ATOH8: variants seen among roughly 807,000 people sequenced by gnomAD.
ATOH8 encodes the protein transcription factor ATOH8.
In ATOH8, 9 loss-of-function variants were observed where a neutral mutation model predicts 21.2. The ratio of observed to expected loss-of-function variants is 0.42; its 90% CI spans 0.26 to 0.74. The LOEUF (loss-of-function observed/expected upper bound fraction) is 0.74. Among genes scored for constraint, ATOH8 ranks in the 30% least tolerant of loss-of-function variants. The pLI is 0.24. For synonymous variants in ATOH8, 253 were observed against 224.0 expected (o/e 1.13, Z -1.16); for missense variants, 524 against 470.9 (o/e 1.11, Z -1.04).
rs1340361560 is a variant in ATOH8, at chr2:85,789,469, G to A, written c.*2579G>A. Among the ~76,000 whole-genome samples, 1 of 152,210 alleles carries A rather than the reference G, an allele frequency of 6.6e-6. No individual in the cohort carries two copies. Among genetic ancestry groups the A allele is most frequent in the African/African-American group, 2.4e-5 (1 of 41,456 alleles). On this transcript the variant is annotated 3_prime_UTR_variant, in exon 3 of 3. Coordinates refer to ENST00000306279, the MANE Select transcript of ATOH8 (RefSeq NM_032827.7). ...AACTCTTGGGGAGGTTCTCAGGAAG[G>A]ATTTCCCTGGAAAGTAGCCATGGGA...
At chr2:85,760,357 G>A (rs905416810) in intron 1 of ATOH8, among the ~76,000 whole-genome samples, 1 of 151,998 alleles carries the variant, frequency 6.6e-6, no homozygotes, top group African/African-American at 2.4e-5. Flanking sequence ...CTCTGTAGGC[G>A]GTGCGGGTGG....
rs775152803 is a variant in ATOH8 at position 85,754,726 on chromosome 2, G to C, written c.537G>C (p.Val179=). Reference sequence around the variant, plus strand: ...CGCCAGCGCCCCCGGAGTCCACTGTGCGCCCTGCGCCCCCGACGCGCCCCG... The same window carrying C: ...CGCCAGCGCCCCCGGAGTCCACTGTCCGCCCTGCGCCCCCGACGCGCCCCG... ...PAPPAPPEST[V]RPAPPTRPGE... Residue 179 remains valine, a synonymous_variant, in exon 1 of 3, where the codon GTG becomes GTC. Transcript: ENST00000306279. 6.2e-7 allele frequency: 1 copy of C among 1,612,286 alleles called. No individual in the cohort carries two copies. The highest frequency in any genetic ancestry group is 8.5e-7 in the Non-Finnish European group (1 of 1,179,632).
At chr2:85,786,581 G>A (rs1329182074) in intron 2 of ATOH8, among the ~76,000 whole-genome samples, 2 of 152,176 alleles carry the variant, frequency 1.3e-5, no homozygotes, top group Non-Finnish European at 2.9e-5. Flanking sequence ...GGATTGTGGT[G>A]TCAGCCCCAG....
intron 2 of ATOH8, among the ~76,000 whole-genome samples, chr2:85,767,559 C>G (rs1279431971): frequency 1.8e-5 from 2 of 109,140 alleles, no homozygotes; most frequent in African/African-American, 6.8e-5. Flanking sequence ...TTGGTATTCC[C>G]TCTTCCCCTC....
chr2:85,778,592 C>G (rs1680399396), intron 2 of ATOH8, among the ~76,000 whole-genome samples: 1 of 152,246 alleles, frequency 6.6e-6, no homozygotes, highest in Non-Finnish European at 1.5e-5. Context: ...GGGCTCCGTC[C>G]TGGGAGTCTC....
chr2:85,764,694 C>T (rs943664786), intron 2 of ATOH8, among the ~76,000 whole-genome samples: 4 of 152,168 alleles, frequency 2.6e-5, no homozygotes, highest in Admixed American at 1.3e-4. Flanking sequence ...CAACCATGTG[C>T]TGAGCATACT....
chr2:85,790,960 T>G lies in ATOH8; in HGVS notation c.*4070T>G, dbSNP rs1337893018. ...GACATCTCCAAGGAAACCCTTTGAG[T>G]GGATCTGTACCGTTGTTCTCGTCTT... is the stretch of plus-strand genomic sequence containing the variant. On this transcript the variant is annotated 3_prime_UTR_variant, in exon 3 of 3. Transcript: ENST00000306279. Among the ~76,000 whole-genome samples the G allele has an allele frequency of 2.0e-5, 3 of 152,124 alleles. No homozygotes were observed. The highest frequency in any genetic ancestry group is 4.4e-5 in the Non-Finnish European group (3 of 68,008).
chr2:85,769,231 A>C (rs562879490), intron 2 of ATOH8, among the ~76,000 whole-genome samples: 151 of 152,370 alleles, frequency 9.9e-4, no homozygotes, highest in Non-Finnish European at 1.5e-3. Flanking sequence ...ACAGCTACTC[A>C]AATTGATAGC....
chr2:85,770,983 G>A (rs550063313), intron 2 of ATOH8, among the ~76,000 whole-genome samples: 3 of 152,104 alleles, frequency 2.0e-5, no homozygotes, highest in Non-Finnish European at 2.9e-5. Context: ...TGACCACACT[G>A]GGGAATGCAG....
At position 85,786,995 on chromosome 2, in the gene ATOH8, G is replaced by GC; in HGVS notation, c.*107dup. The GC allele has an allele frequency of 1.4e-6, 2 of 1,456,272 alleles. No homozygotes were observed. The highest frequency in any genetic ancestry group is 4.7e-5 in the East Asian group (2 of 42,350). 90.2% of individuals were successfully genotyped at this position (1,456,272 alleles called of 1,614,324 possible). Reference sequence around the variant, plus strand: ...CCAGCCTCGTGGTCTTCTCCAAGATGCCGCCAGATGCCCAGCCTACAGCCT... The same window carrying GC: ...CCAGCCTCGTGGTCTTCTCCAAGATGCCCGCCAGATGCCCAGCCTACAGCCT... On this transcript the variant is annotated 3_prime_UTR_variant, in exon 3 of 3. Coordinates refer to ENST00000306279, the MANE Select transcript of ATOH8 (RefSeq NM_032827.7).
At chr2:85,786,662 A>G (rs1680629006) in intron 2 of ATOH8, among the ~76,000 whole-genome samples, 1 of 152,152 alleles carries the variant, frequency 6.6e-6, no homozygotes, top group South Asian at 2.1e-4. Flanking sequence ...CAAACCAACC[A>G]AAACGCAGGG....
In ATOH8 at chr2:85,785,479, C is replaced by T. The variant is rs1332229769; in HGVS notation, c.961-1406C>T. On this transcript the variant is annotated intron_variant, in intron 2 of 2. Coordinates refer to ENST00000306279, the MANE Select transcript of ATOH8 (RefSeq NM_032827.7). The surrounding 1 kb of genome is among the most constrained non-coding windows in gnomAD (Gnocchi z 4.1). ...ATTAGCTGGAGAGCACTCCCTCCCT[C>T]TGGCCCGGCTCCCTCGCCCTCCTTG... 6.6e-6 allele frequency among the ~76,000 whole-genome samples: 1 copy of T among 152,260 alleles called. No homozygotes were observed. Among genetic ancestry groups the T allele is most frequent in the African/African-American group, 2.4e-5 (1 of 41,476 alleles).
rs1485126739 is a variant in ATOH8 at position 85,766,404 on chromosome 2, AGGAGG to A, written c.960+2223_960+2227del. ...GCCCTCAGTCTTTCCCAGCTGGGTG[AGGAGG>A]TCACCCAGCTGGGACTCTGGGAGGT... On this transcript the variant is annotated intron_variant, in intron 2 of 2. Transcript: ENST00000306279. The surrounding 1 kb of genome is among the most constrained non-coding windows in gnomAD (Gnocchi z 4.0). Among the ~76,000 whole-genome samples the A allele has an allele frequency of 2.0e-5, 3 of 151,714 alleles. No individual in the cohort carries two copies. The highest frequency in any genetic ancestry group is 6.6e-5 in the Admixed American group (1 of 15,250).
At chr2:85,758,364 C>T (rs914804985) in intron 1 of ATOH8, among the ~76,000 whole-genome samples, 2 of 152,240 alleles carry the variant, frequency 1.3e-5, no homozygotes, top group Non-Finnish European at 2.9e-5. Flanking sequence ...TGCCACTGCA[C>T]GTGGCCTTGT....
chr2:85,780,716 TC>T (rs1363566094), intron 2 of ATOH8, among the ~76,000 whole-genome samples: 3 of 152,182 alleles, frequency 2.0e-5, no homozygotes, highest in African/African-American at 7.2e-5. Flanking sequence ...TTCTCCCCAT[TC>T]TTGGTCCCCA....
In ATOH8 at chr2:85,754,455, G is replaced by C. The variant is rs781504178; in HGVS notation, c.266G>C (p.Gly89Ala). 2.0e-6 allele frequency: 3 copies of C among 1,503,132 alleles called. No individual in the cohort carries two copies. In the African/African-American group the frequency reaches 4.4e-5, roughly 22 times the overall value. 93.1% of individuals were successfully genotyped at this position (1,503,132 alleles called of 1,614,324 possible). A position where few individuals can be genotyped will look rare whatever the true frequency, so the allele number is the denominator to read the frequency against. Residue 89 changes from glycine to alanine, a missense_variant, in exon 1 of 3, where the codon GGC becomes GCC. Coordinates refer to ENST00000306279, the MANE Select transcript of ATOH8 (RefSeq NM_032827.7). Reference sequence around the variant, plus strand: ...GCGCCGGCCGTTCCCCCAAGAGGGGGCACGGACACAGCCGGGGAGCGCGGG... The same window carrying C: ...GCGCCGGCCGTTCCCCCAAGAGGGGCCACGGACACAGCCGGGGAGCGCGGG... The part of the protein sequence containing the change: ...PVAPAVPPRG[G>A]TDTAGERGGS...
chr2:85,766,054 G>T lies in ATOH8; in HGVS notation c.960+1872G>T, dbSNP rs1276193090. Among the ~76,000 whole-genome samples, 1 of 152,110 alleles carries T rather than the reference G, an allele frequency of 6.6e-6. No individual in the cohort carries two copies. The highest frequency in any genetic ancestry group is 6.5e-5 in the Admixed American group (1 of 15,274). Reference sequence around the variant, plus strand: ...TGTGTTATCCTGCACCCATTGCTTAGCCTCCTCCGCCTCAGTTTTCTTGTT... The same window carrying T: ...TGTGTTATCCTGCACCCATTGCTTATCCTCCTCCGCCTCAGTTTTCTTGTT... On this transcript the variant is annotated intron_variant, in intron 2 of 2. Coordinates refer to ENST00000306279, the MANE Select transcript of ATOH8 (RefSeq NM_032827.7). This position sits in a 1 kb window ranked among gnomAD's most constrained non-coding sequence, Gnocchi z 4.0.
intron 2 of ATOH8, among the ~76,000 whole-genome samples, chr2:85,786,347 C>T (rs752700404): frequency 3.9e-5 from 6 of 152,224 alleles, no homozygotes; most frequent in Non-Finnish European, 7.3e-5. Flanking sequence ...GCTCCAGCCA[C>T]GCCATTTTAC....
intron 2 of ATOH8, chr2:85,781,182 C>T (rs1404642699): frequency 1.7e-6 from 1 of 599,636 alleles, no homozygotes; most frequent in East Asian, 1.4e-4. Flanking sequence ...TACGCATATG[C>T]ATGGGAATAG....
Sources: gnomAD v4.1 joint callset for allele counts (sites outside exome capture counted in the v4.1 genomes callset) on GRCh38, gnomAD v4.1.1 for gene constraint, Gnocchi (gnomAD v3.1) non-coding constraint, MANE v1.5 for transcripts, NCBI Gene and HGNC (gene_info 2026-07-23, HGNC 2026-07-21) for gene names.